GATAD2B: variants seen among roughly 807,000 people sequenced by gnomAD.
GATAD2B encodes transcriptional repressor p66-beta.
In GATAD2B, 8 loss-of-function variants were observed where a neutral mutation model predicts 64.3. That is an observed-to-expected ratio of 0.12 (90% CI 0.07 to 0.22). The LOEUF is 0.22. GATAD2B is among the 10% of genes least tolerant of loss of function. The pLI is 1.00. For missense variants in GATAD2B, 453 were observed against 752.0 expected (o/e 0.60, Z 4.65); for synonymous variants, 281 against 271.3 (o/e 1.04, Z -0.35).
chr1:153,852,829 T>C, intron 1 of GATAD2B: 1 of 863,190 alleles, frequency 1.2e-6, no homozygotes, highest in Non-Finnish European at 1.9e-6. Flanking sequence ...TGCTTCTTTT[T>C]CTAGTTCTTC....
intron 1 of GATAD2B, among the ~76,000 whole-genome samples, chr1:153,831,375 T>C (rs761649269): frequency 6.6e-6 from 1 of 152,072 alleles, no homozygotes; most frequent in African/African-American, 2.4e-5. Flanking sequence ...TTAGGACAAA[T>C]ATCTAATACA....
Position 153,816,623 on chromosome 1 carries a change from T to C in GATAD2B, c.901-35A>G, listed in dbSNP as rs376110222. On this transcript the variant is annotated intron_variant, in intron 6 of 10. Coordinates refer to ENST00000368655, the MANE Select transcript of GATAD2B (RefSeq NM_020699.4). The surrounding 1 kb of genome is among the most constrained non-coding windows in gnomAD (Gnocchi z 4.9). ...ATTGAGAATGCGGTCAATCATGGTATGCAGGAGAAAGGGCCAATTCTTACG... is the reference window on the plus strand; with the variant it reads ...ATTGAGAATGCGGTCAATCATGGTACGCAGGAGAAAGGGCCAATTCTTACG... 2.0e-4 allele frequency: 292 copies of C among 1,476,544 alleles called. 2 individuals are homozygous for C. In the South Asian group the frequency reaches 3.1e-3, roughly 16 times the overall value. The allele number at this position is 1,476,544 out of a possible 1,614,324, so 91.5% of individuals were successfully genotyped here.
intron 10 of GATAD2B, 175 bp downstream of exon 10, chr1:153,811,556 G>C (rs1450092726): frequency 1.4e-6 from 1 of 690,000 alleles, no homozygotes; most frequent in East Asian, 2.6e-5. Context: ...GTGCATTGTG[G>C]GTGGCACTTA....
chr1:153,846,411 T>G (rs1235688752), intron 1 of GATAD2B, among the ~76,000 whole-genome samples: 1 of 151,620 alleles, frequency 6.6e-6, no homozygotes, highest in Non-Finnish European at 1.5e-5. Context: ...TCTTTTTGTA[T>G]TTTTTTTGTA....
rs568448635 is a variant in GATAD2B, at chr1:153,828,502, G to A, written c.-1-154C>T. On this transcript the variant is annotated intron_variant, in intron 1 of 10. Coordinates refer to ENST00000368655, the MANE Select transcript of GATAD2B (RefSeq NM_020699.4). ...CACACACACACACACAAAGTTCAAA[G>A]TTAACTAAGCTATGTCCTACCTGAT... Among the ~76,000 whole-genome samples the A allele has an allele frequency of 5.1e-4, 76 of 149,546 alleles. 1 individual carries two copies. Among genetic ancestry groups the A allele is most frequent in the Non-Finnish European group, 5.0e-4 (34 of 67,584 alleles).
At chr1:153,866,738 T>C (rs533896379) in intron 1 of GATAD2B, among the ~76,000 whole-genome samples, 2 of 152,320 alleles carry the variant, frequency 1.3e-5, no homozygotes, top group South Asian at 4.1e-4. Flanking sequence ...AAAGGTTTCA[T>C]TTTTGATGCT....
At chr1:153,888,223 T>A (rs748312704) in intron 1 of GATAD2B, among the ~76,000 whole-genome samples, 1 of 152,036 alleles carries the variant, frequency 6.6e-6, no homozygotes, top group Admixed American at 6.6e-5. Flanking sequence ...TCTGTAAGGG[T>A]GGTATACATT....
chr1:153,888,455 A>C (rs1677250272), intron 1 of GATAD2B, among the ~76,000 whole-genome samples: 1 of 152,218 alleles, frequency 6.6e-6, no homozygotes, highest in Non-Finnish European at 1.5e-5. Context: ...ATTCCCAGTG[A>C]TGAGGTGTGC....
chr1:153,869,571 T>C (rs183680173), intron 1 of GATAD2B, among the ~76,000 whole-genome samples: 16 of 152,308 alleles, frequency 1.1e-4, no homozygotes, highest in Non-Finnish European at 2.1e-4. Context: ...TATTAGCTTC[T>C]GGTATCCACA....
chr1:153,845,593 A>G (rs1304752707), intron 1 of GATAD2B, among the ~76,000 whole-genome samples: 1 of 147,578 alleles, frequency 6.8e-6, no homozygotes, highest in African/African-American at 2.5e-5. Flanking sequence ...AAAATATAAA[A>G]AATTAGCCAG....
At position 153,857,902 on chromosome 1, in the gene GATAD2B, T is replaced by A. The variant is rs530359273; in HGVS notation, c.-1-29554A>T. On this transcript the variant is annotated intron_variant, in intron 1 of 10. Transcript: ENST00000368655. ...AAGAACTTCCATCTCATTGAAGAGG[T>A]CAAGTGAAGATTCTTTTGAAATCAT... 2.0e-5 allele frequency among the ~76,000 whole-genome samples: 3 copies of A among 152,260 alleles called. No individual in the cohort carries two copies. The South Asian group carries it at 6.2e-4, about 32-fold the overall frequency.
chr1:153,819,757 T>C, intron 2 of GATAD2B, 22 bp from the exon 3 acceptor site: 1 of 1,572,306 alleles, frequency 6.4e-7, no homozygotes, highest in East Asian at 2.3e-5. Context: ...AGGGAAAAAA[T>C]AAGCTATTTC....
intron 1 of GATAD2B, chr1:153,889,686 T>C: frequency 1.2e-6 from 1 of 813,814 alleles, no homozygotes; most frequent in Non-Finnish European, 1.5e-6. Flanking sequence ...ACATGTTACT[T>C]ATTTTCATAT....
intron 1 of GATAD2B, among the ~76,000 whole-genome samples, chr1:153,921,639 A>G (rs1678434295): frequency 6.6e-6 from 1 of 152,040 alleles, no homozygotes; most frequent in East Asian, 1.9e-4. Context: ...ATAAGCATTT[A>G]TCAGAAATGA....
intron 1 of GATAD2B, among the ~76,000 whole-genome samples, chr1:153,886,014 T>A (rs919154599): frequency 6.6e-6 from 1 of 152,168 alleles, no homozygotes; most frequent in African/African-American, 2.4e-5. Flanking sequence ...AGAGTTCAAA[T>A]TGATTGCAAC....
At chr1:153,853,406 A>G in intron 1 of GATAD2B, 1 of 654,140 alleles carries the variant, frequency 1.5e-6, no homozygotes, top group Non-Finnish European at 2.8e-6. Context: ...ACTGCAACAG[A>G]TGCCATTTTT....
intron 1 of GATAD2B, among the ~76,000 whole-genome samples, chr1:153,846,034 T>G (rs1675675775): frequency 1.3e-5 from 2 of 151,762 alleles, no homozygotes; most frequent in Admixed American, 1.3e-4. Context: ...ACTTTCTGGT[T>G]AATATTTACC....
At chr1:153,893,292 C>T (rs1055823014) in intron 1 of GATAD2B, among the ~76,000 whole-genome samples, 1 of 152,106 alleles carries the variant, frequency 6.6e-6, no homozygotes, top group African/African-American at 2.4e-5. Context: ...TTTTACAGGG[C>T]AGTAAATGTT....
At chr1:153,922,514 A>G (rs1678484605) in intron 1 of GATAD2B, among the ~76,000 whole-genome samples, 1 of 84,686 alleles carries the variant, frequency 1.2e-5, no homozygotes. Context: ...AAGGAGCGCG[A>G]GGCGGGGGCG....
Sources: gnomAD v4.1 joint callset for allele counts (sites outside exome capture counted in the v4.1 genomes callset) on GRCh38, gnomAD v4.1.1 for gene constraint, Gnocchi (gnomAD v3.1) non-coding constraint, MANE v1.5 for transcripts, NCBI Gene and HGNC (gene_info 2026-07-23, HGNC 2026-07-21) for gene names.